Variants in MTMR14 observed in about 807,000 individuals in gnomAD.
MTMR14 encodes the protein phosphatidylinositol-3,5-bisphosphate 3-phosphatase MTMR14.
In MTMR14, 48 loss-of-function variants were observed where a neutral mutation model predicts 86.3. The observed-to-expected ratio is 0.56, with a 90% CI of 0.44 to 0.71. The LOEUF is 0.71. Ranked by LOEUF, MTMR14 falls within the 30% of genes least tolerant of loss-of-function variation. The pLI is 0.00. For synonymous variants in MTMR14, 366 were observed against 326.1 expected, an observed-to-expected ratio of 1.12 and a Z score of -1.32; for missense variants, 780 against 834.6, an observed-to-expected ratio of 0.93 and a Z score of 0.81.
At chr3:9,689,899 G>A (rs1256061180) in intron 16 of MTMR14, 65 bp from the exon 17 acceptor site, 6 of 1,498,198 alleles carry the variant, frequency 4.0e-6, no homozygotes, top group Non-Finnish European at 4.5e-6. Context: ...GAAATTCAGT[G>A]AGGGTGGGCA....
intron 17 of MTMR14, among the ~76,000 whole-genome samples, chr3:9,695,494 C>T (rs535902328): frequency 6.6e-6 from 1 of 152,346 alleles, no homozygotes; most frequent in African/African-American, 2.4e-5. Flanking sequence ...CCGACAGCTG[C>T]TGCAAGTGCG....
Position 9,701,373 on chromosome 3 carries a change from T to TG in MTMR14, c.1770-414dup. On this transcript the variant is annotated intron_variant, in intron 18 of 18. Transcript: ENST00000296003. The surrounding 1 kb of genome is among the most constrained non-coding windows in gnomAD (Gnocchi z 4.2). Reference sequence around the variant, plus strand: ...TGAGTCCAGGAGTTTGAGACCAGCCTGGGCAACATGGTAAAACCCTATCAT... The same window carrying TG: ...TGAGTCCAGGAGTTTGAGACCAGCCTGGGGCAACATGGTAAAACCCTATCAT... 3.5e-6 allele frequency: 1 copy of TG among 282,978 alleles called. No individual in the cohort carries two copies. Among genetic ancestry groups the TG allele is most frequent in the Non-Finnish European group, 6.9e-6 (1 of 145,214 alleles). The allele number at this position is 282,978 out of a possible 1,614,324, so 17.5% of individuals were successfully genotyped here. A position where few individuals can be genotyped will look rare whatever the true frequency, so the allele number is the denominator to read the frequency against.
At position 9,685,257 on chromosome 3, in the gene MTMR14, C is replaced by G; in HGVS notation, c.1164+10C>G. The G allele has an allele frequency of 6.2e-7, 1 of 1,613,910 alleles. No homozygotes were observed. Among genetic ancestry groups the G allele is most frequent in the South Asian group, 1.1e-5 (1 of 91,076 alleles). On this transcript the variant is annotated intron_variant, in intron 13 of 18. Transcript: ENST00000296003. ...CAGCAAAGGGGAGGAGGTGAGTATACCACCTACGACTTGTGGGCACAGCTC... is the reference window on the plus strand; with the variant it reads ...CAGCAAAGGGGAGGAGGTGAGTATAGCACCTACGACTTGTGGGCACAGCTC...
At chr3:9,651,078 C>T (rs1281293794) in intron 1 of MTMR14, among the ~76,000 whole-genome samples, 2 of 151,948 alleles carry the variant, frequency 1.3e-5, no homozygotes, top group East Asian at 1.9e-4. Context: ...CGTGAGCCAC[C>T]GCGCCTGGCT....
rs753995748 is a variant in MTMR14 at position 9,683,235 on chromosome 3, A to G, written c.955A>G (p.Asn319Asp). 6.2e-7 allele frequency: 1 copy of G among 1,614,184 alleles called. No individual in the cohort carries two copies. The highest frequency in any genetic ancestry group is 8.5e-7 in the Non-Finnish European group (1 of 1,180,002). The change falls in exon 10 of 19, where the codon AAC becomes GAC. Residue 319 changes from asparagine (N) to aspartate (D), a missense_variant. Transcript: ENST00000296003. ...NYLKLLLSLV[N>D]SDDDSGLLVH... Reference sequence around the variant, plus strand: ...CCTGAAGCTGCTGCTTTCCTTAGTTAACAGTGATGGTGAGTCTGTCTCCTC... The same window carrying G: ...CCTGAAGCTGCTGCTTTCCTTAGTTGACAGTGATGGTGAGTCTGTCTCCTC...
intron 9 of MTMR14, among the ~76,000 whole-genome samples, chr3:9,681,481 A>C (rs551021819): frequency 1.3e-5 from 2 of 152,180 alleles, no homozygotes; most frequent in Non-Finnish European, 2.9e-5. Flanking sequence ...CCTACATTAC[A>C]GTTTTTACCA....
chr3:9,660,893 T>G (rs1265390159), intron 2 of MTMR14, among the ~76,000 whole-genome samples: 1 of 152,198 alleles, frequency 6.6e-6, no homozygotes, highest in Non-Finnish European at 1.5e-5. Context: ...GCCTCCTGTT[T>G]CTGTTGCTAC....
intron 18 of MTMR14, among the ~76,000 whole-genome samples, chr3:9,699,170 C>CAA (rs113659946): frequency 2.3e-3 from 274 of 121,300 alleles, no homozygotes; most frequent in African/African-American, 6.5e-3. Flanking sequence ...GAAACTCTCT[C>CAA]AAAAAAAAAA....
At position 9,697,769 on chromosome 3, in the gene MTMR14, A is replaced by G. The variant is rs1369173521; in HGVS notation, c.1672A>G (p.Met558Val). 5 of 1,614,110 alleles carry G rather than the reference A, an allele frequency of 3.1e-6. No homozygotes were observed. The highest frequency in any genetic ancestry group is 3.4e-6 in the Non-Finnish European group (4 of 1,180,026). Residue 558 changes from methionine to valine, a missense_variant, in exon 18 of 19, where the codon ATG becomes GTG. Met to Val is a conservative substitution (Grantham distance 21, BLOSUM62 1). Coordinates refer to ENST00000296003, the MANE Select transcript of MTMR14 (RefSeq NM_001077525.3). ...CTCCACAGACTATGGCAGCTGGCAG[A>G]TGGTAACGGGCTGTGGCAGTATTCA... ...SLSTDYGSWQMVTGCGSIQER... is the reference protein window; with the variant it reads ...SLSTDYGSWQVVTGCGSIQER...
chr3:9,688,707 T>G lies in MTMR14; in HGVS notation c.1247T>G (p.Leu416Trp). ...GCTTCCATTTCTAGGAGGAAGAGTT[T>G]GCCAGCCCGGGATGGAGGCTTCACC... The part of the protein sequence containing the change: ...SALKTQRRKS[L>W]PARDGGFTLE... Residue 416 changes from leucine to tryptophan, a missense_variant, in exon 15 of 19, where the codon TTG becomes TGG. Transcript: ENST00000296003. 1 of 1,614,200 alleles carries G rather than the reference T, an allele frequency of 6.2e-7. No individual in the cohort carries two copies. Among genetic ancestry groups the G allele is most frequent in the Middle Eastern group, 1.6e-4 (1 of 6,062 alleles).
chr3:9,669,415 A>T lies in MTMR14; in HGVS notation c.494-17A>T, dbSNP rs1429742292. 1 of 1,613,536 alleles carries T rather than the reference A, an allele frequency of 6.2e-7. No homozygotes were observed. Among genetic ancestry groups the T allele is most frequent in the Admixed American group, 1.7e-5 (1 of 59,978 alleles). ...GGGTCACCAGCCTCAGTACTGACAG[A>T]TAGGTTTCTCTGGCAGGGGGTGCAG... On this transcript the variant is annotated splice_polypyrimidine_tract_variant and intron_variant, in intron 4 of 18. Coordinates refer to ENST00000296003, the MANE Select transcript of MTMR14 (RefSeq NM_001077525.3).
Position 9,685,192 on chromosome 3 carries a change from T to C in MTMR14, c.1128-19T>C, listed in dbSNP as rs1221176191. 1 of 1,614,168 alleles carries C rather than the reference T, an allele frequency of 6.2e-7. No homozygotes were observed. Among genetic ancestry groups the C allele is most frequent in the Admixed American group, 1.7e-5 (1 of 60,014 alleles). On this transcript the variant is annotated intron_variant, in intron 12 of 18. Coordinates refer to ENST00000296003, the MANE Select transcript of MTMR14 (RefSeq NM_001077525.3). ...ATCTTGGTGCTGCTGACTTTGCCTC[T>C]CTACCCTCCTTTTTTCAGGCACATG... is the stretch of plus-strand genomic sequence containing the variant.
intron 2 of MTMR14, among the ~76,000 whole-genome samples, chr3:9,659,022 A>G (rs888303586): frequency 2.6e-5 from 4 of 152,166 alleles, no homozygotes; most frequent in Admixed American, 2.6e-4. Context: ...TGAATAAAAA[A>G]CAGACTGAAT....
chr3:9,671,581 C>A (rs1402696834), intron 6 of MTMR14, among the ~76,000 whole-genome samples: 1 of 151,986 alleles, frequency 6.6e-6, no homozygotes, highest in Admixed American at 6.6e-5. Context: ...AAACATGTGG[C>A]CCTAAGCAGT....
intron 17 of MTMR14, 101 bp downstream of exon 17, chr3:9,690,244 G>T (rs2076097553): frequency 7.6e-7 from 1 of 1,313,772 alleles, no homozygotes; most frequent in East Asian, 2.4e-5. Flanking sequence ...TCTCAAGATG[G>T]GGTTCCTAAG....
intron 2 of MTMR14, among the ~76,000 whole-genome samples, chr3:9,656,025 T>C (rs1202549360): frequency 6.6e-6 from 1 of 151,838 alleles, no homozygotes; most frequent in African/African-American, 2.4e-5. Context: ...TGAAACCCCG[T>C]ATCTACTAAA....
chr3:9,685,654 A>G lies in MTMR14; in HGVS notation c.1164+407A>G, dbSNP rs911148434. 8.6e-5 allele frequency among the ~76,000 whole-genome samples: 13 copies of G among 151,962 alleles called. No homozygotes were observed. The East Asian group carries it at 1.5e-3, about 18-fold the overall frequency. ...CACCCTCCCGTCACACCCTTCAGCCACTTTTCAATGTCAGGGTGCCCGGCA... is the reference window on the plus strand; with the variant it reads ...CACCCTCCCGTCACACCCTTCAGCCGCTTTTCAATGTCAGGGTGCCCGGCA... On this transcript the variant is annotated intron_variant, in intron 13 of 18. Transcript: ENST00000296003.
chr3:9,674,838 G>C (rs1485266632), intron 7 of MTMR14, among the ~76,000 whole-genome samples: 1 of 152,006 alleles, frequency 6.6e-6, no homozygotes, highest in African/African-American at 2.4e-5. Flanking sequence ...AAAGCCGAGT[G>C]CAGTGGCTCA....
At chr3:9,680,384 C>T (rs1273408692) in intron 9 of MTMR14, among the ~76,000 whole-genome samples, 2 of 152,232 alleles carry the variant, frequency 1.3e-5, no homozygotes, top group African/African-American at 4.8e-5. Context: ...AAATGAAGTG[C>T]TCAGATAGCA....
Sources: allele counts gnomAD v4.1 joint callset (sites outside exome capture counted in the v4.1 genomes callset), GRCh38; gene constraint gnomAD v4.1.1; non-coding constraint Gnocchi (gnomAD v3.1); transcripts MANE v1.5; gene names NCBI Gene and HGNC (gene_info 2026-07-23, HGNC 2026-07-21).